The following SLC16A14 variants were observed in gnomAD, a reference collection of about 807,000 sequenced individuals.
SLC16A14 encodes solute carrier family 16 member 14.
In SLC16A14, 14 loss-of-function variants were observed where a neutral mutation model predicts 35.8. The observed-to-expected ratio is 0.39, with a 90% CI of 0.26 to 0.61. The LOEUF (loss-of-function observed/expected upper bound fraction) is 0.61. Among genes scored for constraint, SLC16A14 ranks in the 20% least tolerant of loss-of-function variants. SLC16A14 has a pLI of 0.51. For synonymous variants in SLC16A14, 248 were observed against 258.9 expected, an observed-to-expected ratio of 0.96 and a Z score of 0.40; for missense variants, 533 against 655.0, an observed-to-expected ratio of 0.81 and a Z score of 2.03.
intron 1 of SLC16A14, among the ~76,000 whole-genome samples, chr2:230,060,651 T>G (rs2077744826): frequency 6.6e-6 from 1 of 152,056 alleles, no homozygotes; most frequent in African/African-American, 2.4e-5. Flanking sequence ...TGTGAGCCAC[T>G]GTGCCTGGCC....
chr2:230,046,752 C>A lies in SLC16A14; in HGVS notation c.404-30G>T. On this transcript the variant is annotated intron_variant, in intron 3 of 4. Transcript: ENST00000295190. The surrounding 1 kb of genome is among the most constrained non-coding windows in gnomAD (Gnocchi z 5.0). The stretch of plus-strand genomic sequence containing the variant: ...ACAGGCCGACGGGGGGAAGAAAAGA[C>A]ACAGTGCAACATCAGTGGCCATATC... The A allele has an allele frequency of 6.4e-7, 1 of 1,564,836 alleles. No individual in the cohort carries two copies. The highest frequency in any genetic ancestry group is 1.2e-5 in the South Asian group (1 of 86,706).
intron 4 of SLC16A14, among the ~76,000 whole-genome samples, chr2:230,040,538 T>C (rs572198933): frequency 4.6e-5 from 7 of 152,228 alleles, no homozygotes; most frequent in African/African-American, 1.4e-4. Flanking sequence ...ATTATTATTA[T>C]TATTTTTTTT....
intron 2 of SLC16A14, among the ~76,000 whole-genome samples, chr2:230,053,506 G>A (rs771682517): frequency 6.6e-6 from 1 of 152,156 alleles, no homozygotes; most frequent in Non-Finnish European, 1.5e-5. Context: ...GTCCTGGCCA[G>A]GTGTGGTGGT....
rs2077526078 is a variant in SLC16A14, at chr2:230,037,307, T to G, written c.*73A>C. 2 of 1,427,708 alleles carry G rather than the reference T, an allele frequency of 1.4e-6. No individual in the cohort carries two copies. Among genetic ancestry groups the G allele is most frequent in the Non-Finnish European group, 1.9e-6 (2 of 1,067,370 alleles). The allele number at this position is 1,427,708 out of a possible 1,614,324, so 88.4% of individuals were successfully genotyped here. A position where few individuals can be genotyped will look rare whatever the true frequency, so the allele number is the denominator to read the frequency against. On this transcript the variant is annotated 3_prime_UTR_variant, in exon 5 of 5. Transcript: ENST00000295190. Reference sequence around the variant, plus strand: ...CAAAATGCTTTCCCACGTCCTGTCATAGGTGCCTCACAGCAACCATGCGAG... The same window carrying G: ...CAAAATGCTTTCCCACGTCCTGTCAGAGGTGCCTCACAGCAACCATGCGAG...
intron 4 of SLC16A14, among the ~76,000 whole-genome samples, chr2:230,044,736 G>GTGTGTATA (rs575463088): frequency 7.5e-5 from 8 of 107,104 alleles, no homozygotes; most frequent in South Asian, 6.0e-4. Flanking sequence ...GTGTGTGTGT[G>GTGTGTATA]TATGTGTGTG....
rs775745650 is a variant in SLC16A14 at position 230,049,881 on chromosome 2, T to G, written c.283A>C (p.Asn95His). Residue 95 changes from asparagine (N) to histidine (H), a missense_variant, in exon 3 of 5, where the codon AAC becomes CAC. By Grantham distance (68) the Asn-to-His change is moderately conservative. Coordinates refer to ENST00000295190, the MANE Select transcript of SLC16A14 (RefSeq NM_152527.5). Reference protein sequence around the residue: ...IVGPFIGLFINTCGCRQTAII... With the variant: ...IVGPFIGLFIHTCGCRQTAII... Reference sequence around the variant, plus strand: ...GCAGTCTGGCGGCACCCACAGGTGTTAATGAACAAGCCGATGAAAGGGCCT... The same window carrying G: ...GCAGTCTGGCGGCACCCACAGGTGTGAATGAACAAGCCGATGAAAGGGCCT... The G allele has an allele frequency of 6.2e-7, 1 of 1,613,534 alleles. No individual in the cohort carries two copies. The highest frequency in any genetic ancestry group is 8.5e-7 in the Non-Finnish European group (1 of 1,179,844).
intron 1 of SLC16A14, among the ~76,000 whole-genome samples, chr2:230,060,942 C>T (rs552487720): frequency 5.9e-5 from 9 of 152,178 alleles, no homozygotes; most frequent in East Asian, 1.9e-4. Flanking sequence ...GTTAGGTTAT[C>T]GGCTGAGAAT....
chr2:230,043,672 G>A (rs1029831623), intron 4 of SLC16A14, among the ~76,000 whole-genome samples: 13 of 152,228 alleles, frequency 8.5e-5, no homozygotes, highest in Admixed American at 8.5e-4. Context: ...AGCCCTGGCT[G>A]TCTGAGGGCC....
At position 230,036,653 on chromosome 2, in the gene SLC16A14, C is replaced by T. The variant is rs758094492; in HGVS notation, c.*727G>A. 9 of 152,160 alleles carry T rather than the reference C, an allele frequency of 5.9e-5. No homozygotes were observed. The highest frequency in any genetic ancestry group is 1.4e-4 in the African/African-American group (6 of 41,440). The allele number at this position is 152,160 out of a possible 1,614,324, so 9.4% of individuals were successfully genotyped here. On this transcript the variant is annotated 3_prime_UTR_variant, in exon 5 of 5. Transcript: ENST00000295190. Reference sequence around the variant, plus strand: ...TGATTTAATGTTGTGCGTACAAATACGGCTTCTGCTAAGGAAATCATTACT... The same window carrying T: ...TGATTTAATGTTGTGCGTACAAATATGGCTTCTGCTAAGGAAATCATTACT...
At chr2:230,056,518 A>C (rs1383394172) in intron 2 of SLC16A14, among the ~76,000 whole-genome samples, 1 of 152,050 alleles carries the variant, frequency 6.6e-6, no homozygotes, top group Non-Finnish European at 1.5e-5. Context: ...AGCCTCCCGA[A>C]GTGCTGGGAT....
Position 230,049,797 on chromosome 2 carries a change from C to G in SLC16A14, c.367G>C (p.Val123Leu). ...CCAAAAGTAATGAAGAGATAATGCA[C>G]GTTTGCAGCATAGGCACTCAACACC... ...GWVLSAYAAN[V>L]HYLFITFGVA... Residue 123 changes from valine to leucine, a missense_variant, in exon 3 of 5, where the codon GTG becomes CTG. By Grantham distance (32) the Val-to-Leu change is conservative (BLOSUM62 1). Transcript: ENST00000295190. 6.2e-7 allele frequency: 1 copy of G among 1,614,144 alleles called. No homozygotes were observed. Among genetic ancestry groups the G allele is most frequent in the Non-Finnish European group, 8.5e-7 (1 of 1,180,014 alleles).
chr2:230,047,307 C>CTTTTTTTT (rs56262602), intron 3 of SLC16A14, among the ~76,000 whole-genome samples: 2 of 110,344 alleles, frequency 1.8e-5, no homozygotes, highest in African/African-American at 3.4e-5. Context: ...TATCTGACTT[C>CTTTTTTTT]TTTTTTTTTT....
Position 230,045,822 on chromosome 2 carries a change from A to T in SLC16A14, c.1304T>A (p.Ile435Asn). ...MPVVTEDLVG[I>N]EHLANAYGII... ...GCCGTAGGCATTGGCCAGGTGTTCA[A>T]TGCCAACCAAGTCTTCAGTCACTAC... Residue 435 changes from isoleucine (I) to asparagine (N), a missense_variant, in exon 4 of 5, where the codon ATT (isoleucine) becomes AAT (asparagine). Ile to Asn is a moderately radical substitution (Grantham distance 149). Transcript: ENST00000295190. The T allele has an allele frequency of 5.0e-6, 8 of 1,614,222 alleles. No individual in the cohort carries two copies. The highest frequency in any genetic ancestry group is 6.8e-6 in the Non-Finnish European group (8 of 1,180,042).
Position 230,047,765 on chromosome 2 carries a change from A to G in SLC16A14, c.404-1043T>C, listed in dbSNP as rs146501908. ...TCATCACAAGTATGTGAGGTGATGG[A>G]TATGTCAATTAGCCTTATTCAATCA... On this transcript the variant is annotated intron_variant, in intron 3 of 4. Coordinates refer to ENST00000295190, the MANE Select transcript of SLC16A14 (RefSeq NM_152527.5). Among the ~76,000 whole-genome samples the G allele has an allele frequency of 3.3e-5, 5 of 152,366 alleles. No individual in the cohort carries two copies. In the East Asian group the frequency reaches 9.6e-4, roughly 29 times the overall value.
chr2:230,052,974 G>A (rs1253962523), intron 2 of SLC16A14, among the ~76,000 whole-genome samples: 6 of 149,454 alleles, frequency 4.0e-5, no homozygotes, highest in Admixed American at 6.7e-5. Context: ...AGAGTTTCAC[G>A]CTTGTTGCCC....
At chr2:230,058,839 G>T (rs2077727967) in intron 2 of SLC16A14, among the ~76,000 whole-genome samples, 2 of 152,122 alleles carry the variant, frequency 1.3e-5, no homozygotes, top group Admixed American at 1.3e-4. Context: ...TGCCATGTTG[G>T]CCAGGCTGAT....
Position 230,046,704 on chromosome 2 carries a change from G to A in SLC16A14, c.422C>T (p.Ala141Val). The change falls in exon 4 of 5, where the codon GCC (alanine) becomes GTC (valine). Residue 141 changes from alanine (A) to valine (V), a missense_variant. By Grantham distance (64) the Ala-to-Val change is moderately conservative (BLOSUM62 0). Transcript: ENST00000295190. The surrounding 1 kb of genome is among the most constrained non-coding windows in gnomAD (Gnocchi z 5.0). ...GVAAGLGSGM[A>V]YLPAVVMVGR... ...CACCATGACCACCGCTGGCAGGTAGGCCATCCCGCTGCCCAGGCCTGTACA... is the reference window on the plus strand; with the variant it reads ...CACCATGACCACCGCTGGCAGGTAGACCATCCCGCTGCCCAGGCCTGTACA... 4 of 1,599,952 alleles carry A rather than the reference G, an allele frequency of 2.5e-6. No individual in the cohort carries two copies. The highest frequency in any genetic ancestry group is 3.4e-6 in the Non-Finnish European group (4 of 1,179,752).
In SLC16A14 at chr2:230,045,799, C is replaced by T. The variant is rs752024446; in HGVS notation, c.1327G>A (p.Gly443Ser). 11 of 1,614,028 alleles carry T rather than the reference C, an allele frequency of 6.8e-6. No individual in the cohort carries two copies. The highest frequency in any genetic ancestry group is 8.5e-6 in the Non-Finnish European group (10 of 1,180,024). The change falls in exon 4 of 5, where the codon GGC becomes AGC. Residue 443 changes from glycine to serine, a missense_variant. Transcript: ENST00000295190. ...VGIEHLANAY[G>S]IIICANGISA... The stretch of plus-strand genomic sequence containing the variant: ...ATGCCATTAGCACAGATGATGATGC[C>T]GTAGGCATTGGCCAGGTGTTCAATG...
chr2:230,041,392 G>A lies in SLC16A14; in HGVS notation c.1382-3861C>T, dbSNP rs143340015. On this transcript the variant is annotated intron_variant, in intron 4 of 4. Coordinates refer to ENST00000295190, the MANE Select transcript of SLC16A14 (RefSeq NM_152527.5). ...GACAGAGTCTTGTTCTTGTTGCCCA[G>A]GCTAGAGTGCAGTGGCATGATCTCA... 5.2e-3 allele frequency among the ~76,000 whole-genome samples: 797 copies of A among 152,194 alleles called. 6 individuals are homozygous for A. Among genetic ancestry groups the A allele is most frequent in the Non-Finnish European group, 7.8e-3 (528 of 68,000 alleles).
Sources: allele counts gnomAD v4.1 joint callset (sites outside exome capture counted in the v4.1 genomes callset), GRCh38; gene constraint gnomAD v4.1.1; non-coding constraint Gnocchi (gnomAD v3.1); transcripts MANE v1.5; gene names NCBI Gene and HGNC (gene_info 2026-07-23, HGNC 2026-07-21).